LRRC49: variants seen among roughly 807,000 people sequenced by gnomAD.
The protein encoded by LRRC49 is leucine rich repeat containing 49.
Under a neutral mutation model 83.3 loss-of-function variants are expected in LRRC49, and 50 were observed. The observed-to-expected ratio is 0.60, with a 90% confidence interval of 0.48 to 0.76. The LOEUF (loss-of-function observed/expected upper bound fraction) is 0.76, where lower values mean the gene tolerates loss of function less well. Among genes scored for constraint, LRRC49 ranks in the 30% least tolerant of loss-of-function variants. The pLI is 0.00. For missense variants in LRRC49, 704 were observed against 809.1 expected, an observed-to-expected ratio of 0.87 and a Z score of 1.58; for synonymous variants, 286 against 283.3, an observed-to-expected ratio of 1.01 and a Z score of -0.10.
intron 14 of LRRC49, among the ~76,000 whole-genome samples, chr15:71,014,833 A>G (rs2038773292): frequency 6.6e-6 from 1 of 152,222 alleles, no homozygotes; most frequent in Non-Finnish European, 1.5e-5. Context: ...ATCAACTAAC[A>G]TAAGAAAGAC....
At chr15:70,885,055 A>G (rs569411496) in intron 2 of LRRC49, among the ~76,000 whole-genome samples, 1 of 152,302 alleles carries the variant, frequency 6.6e-6, no homozygotes, top group East Asian at 1.9e-4. Flanking sequence ...GATATACTAC[A>G]ATTTATTAAA....
chr15:70,896,226 G>A (rs2033831218), intron 3 of LRRC49, among the ~76,000 whole-genome samples: 1 of 152,050 alleles, frequency 6.6e-6, no homozygotes, highest in South Asian at 2.1e-4. Flanking sequence ...TTTGGAAGTC[G>A]CTAATTAGAG....
At chr15:71,038,536 G>A (rs995919687) in intron 15 of LRRC49, among the ~76,000 whole-genome samples, 4 of 151,998 alleles carry the variant, frequency 2.6e-5, no homozygotes, top group African/African-American at 7.2e-5. Flanking sequence ...CCATAGGGCT[G>A]TAGGCATTAC....
intron 2 of LRRC49, among the ~76,000 whole-genome samples, chr15:70,886,781 G>A (rs935533832): frequency 2.0e-5 from 3 of 151,984 alleles, no homozygotes; most frequent in Non-Finnish European, 2.9e-5. Flanking sequence ...CAGGAGAATC[G>A]CTTGAACCCG....
intron 11 of LRRC49, among the ~76,000 whole-genome samples, chr15:70,992,310 C>T (rs904101822): frequency 1.6e-4 from 25 of 152,334 alleles, no homozygotes; most frequent in Admixed American, 5.2e-4. Flanking sequence ...TCTCTCAACT[C>T]GTCAGTCATT....
At chr15:70,937,552 T>C (rs1220201007) in intron 8 of LRRC49, among the ~76,000 whole-genome samples, 1 of 152,152 alleles carries the variant, frequency 6.6e-6, no homozygotes, top group African/African-American at 2.4e-5. Context: ...TTGAATCTGC[T>C]TTTATAAGAG....
At chr15:70,962,442 G>A (rs759029249) in intron 8 of LRRC49, among the ~76,000 whole-genome samples, 1 of 152,108 alleles carries the variant, frequency 6.6e-6, no homozygotes, top group Non-Finnish European at 1.5e-5. Flanking sequence ...TGACCCCACA[G>A]TAGCAAGAAG....
chr15:70,865,781 T>G (rs947531544), intron 1 of LRRC49, among the ~76,000 whole-genome samples: 2 of 152,192 alleles, frequency 1.3e-5, no homozygotes, highest in Non-Finnish European at 2.9e-5. Context: ...CATGGGACTT[T>G]CAGTGTCAAA....
At chr15:70,873,242 T>C (rs758289563) in intron 2 of LRRC49, 32 of 1,535,672 alleles carry the variant, frequency 2.1e-5, no homozygotes, top group Non-Finnish European at 2.5e-5. Context: ...ACACTTTCAG[T>C]TGACATAATT....
intron 15 of LRRC49, among the ~76,000 whole-genome samples, chr15:71,039,565 T>C (rs1341652195): frequency 2.6e-5 from 4 of 152,210 alleles, no homozygotes; most frequent in Non-Finnish European, 4.4e-5. Flanking sequence ...CTTTAAATCA[T>C]TTCTAGATTA....
intron 14 of LRRC49, among the ~76,000 whole-genome samples, chr15:71,021,731 G>A (rs2039002248): frequency 6.6e-6 from 1 of 152,164 alleles, no homozygotes; most frequent in Non-Finnish European, 1.5e-5. Flanking sequence ...CTGTAACCTG[G>A]TCTAGGAAGG....
intron 1 of LRRC49, among the ~76,000 whole-genome samples, chr15:70,865,609 T>C (rs549169780): frequency 6.6e-6 from 1 of 152,360 alleles, no homozygotes; most frequent in Non-Finnish European, 1.5e-5. Flanking sequence ...ATATTGTTAT[T>C]GTTGCTTCAT....
At chr15:70,996,282 T>A (rs1324310941) in intron 11 of LRRC49, among the ~76,000 whole-genome samples, 1 of 152,162 alleles carries the variant, frequency 6.6e-6, no homozygotes, top group Non-Finnish European at 1.5e-5. Context: ...TTTGTAGTTA[T>A]CTGATTCCTT....
chr15:71,049,420 A>G lies in LRRC49; in HGVS notation c.1869A>G (p.Glu623=). 1 of 1,580,708 alleles carries G rather than the reference A, an allele frequency of 6.3e-7. No homozygotes were observed. Among genetic ancestry groups the G allele is most frequent in the East Asian group, 2.2e-5 (1 of 44,706 alleles). Residue 623 remains glutamate (E), a synonymous_variant, in exon 16 of 16, where the codon GAA becomes GAG. Coordinates refer to ENST00000260382, the MANE Select transcript of LRRC49 (RefSeq NM_017691.5). ...FYNEKLEEIK[E]KKKFCKTYIE... is the part of the protein sequence containing the mutation. The stretch of plus-strand genomic sequence containing the variant: ...CTTTTTTTTAACAGGAAATAAAGGA[A>G]AAGAAGAAATTCTGTAAAACATATA...
intron 1 of LRRC49, among the ~76,000 whole-genome samples, chr15:70,861,714 T>C (rs2032794406): frequency 6.6e-6 from 1 of 152,198 alleles, no homozygotes; most frequent in Admixed American, 6.5e-5. Context: ...ATTTATGTCT[T>C]GTGGAGGACT....
chr15:70,964,335 T>G (rs1333032929), intron 9 of LRRC49, among the ~76,000 whole-genome samples: 1 of 152,124 alleles, frequency 6.6e-6, no homozygotes, highest in African/African-American at 2.4e-5. Context: ...GGCAATGTAT[T>G]TAATCTTTGT....
chr15:70,885,750 A>G (rs1349257389), intron 2 of LRRC49, among the ~76,000 whole-genome samples: 1 of 152,230 alleles, frequency 6.6e-6, no homozygotes, highest in Non-Finnish European at 1.5e-5. Flanking sequence ...GAAGATTAAT[A>G]TGTAAATTCA....
chr15:71,002,469 G>A (rs953510300), intron 11 of LRRC49, among the ~76,000 whole-genome samples: 3 of 151,718 alleles, frequency 2.0e-5, no homozygotes, highest in Non-Finnish European at 4.4e-5. Context: ...ACATATTGCA[G>A]GTTTCTTTTC....
chr15:70,989,952 T>C (rs1469902457), intron 11 of LRRC49, among the ~76,000 whole-genome samples: 1 of 152,140 alleles, frequency 6.6e-6, no homozygotes, highest in Non-Finnish European at 1.5e-5. Context: ...AGCGGATTTT[T>C]GTGAACCGCG....
Sources: allele counts gnomAD v4.1 joint callset (sites outside exome capture counted in the v4.1 genomes callset), GRCh38; gene constraint gnomAD v4.1.1; transcripts MANE v1.5; gene names NCBI Gene and HGNC (gene_info 2026-07-23, HGNC 2026-07-21).